The following MARCHF11 variants were observed in gnomAD, a reference collection of about 807,000 sequenced individuals.
MARCHF11 encodes the protein membrane associated ring-CH-type finger 11.
Under a neutral mutation model 37.3 loss-of-function variants are expected in MARCHF11, and 29 were observed. The ratio of observed to expected loss-of-function variants is 0.78; its 90% confidence interval spans 0.58 to 1.06. The LOEUF is 1.06. Ranked by LOEUF, MARCHF11 falls within the 50% of genes least tolerant of loss-of-function variation. The pLI is 0.00. For missense variants in MARCHF11, 482 were observed against 533.4 expected, an observed-to-expected ratio of 0.90 and a Z score of 0.95; for synonymous variants, 233 against 228.0, an observed-to-expected ratio of 1.02 and a Z score of -0.20.
At chr5:16,175,463 C>T (rs1738340623) in intron 2 of MARCHF11, among the ~76,000 whole-genome samples, 1 of 152,072 alleles carries the variant, frequency 6.6e-6, no homozygotes, top group Non-Finnish European at 1.5e-5. Context: ...AGACAGTGGA[C>T]CCTGGGCCAG....
chr5:16,123,446 G>T (rs188451229), intron 2 of MARCHF11, among the ~76,000 whole-genome samples: 155 of 152,226 alleles, frequency 1.0e-3, no homozygotes, highest in African/African-American at 3.3e-3. Flanking sequence ...CTTGACCTCT[G>T]ATTTCTAGCC....
chr5:16,146,957 T>C (rs371853894), intron 2 of MARCHF11, among the ~76,000 whole-genome samples: 2 of 152,172 alleles, frequency 1.3e-5, no homozygotes, highest in East Asian at 3.9e-4. Context: ...GAGACTGAGA[T>C]AGAGACTCAG....
At chr5:16,149,833 A>G (rs1258727000) in intron 2 of MARCHF11, among the ~76,000 whole-genome samples, 1 of 152,064 alleles carries the variant, frequency 6.6e-6, no homozygotes, top group Non-Finnish European at 1.5e-5. Flanking sequence ...ACATCCATAC[A>G]ATGGAATACT....
At chr5:16,146,473 A>C (rs2126594912) in intron 2 of MARCHF11, among the ~76,000 whole-genome samples, 1 of 152,296 alleles carries the variant, frequency 6.6e-6, no homozygotes, top group Middle Eastern at 3.4e-3. Flanking sequence ...AAAAGTGTAG[A>C]GTTCTCTCTG....
intron 2 of MARCHF11, among the ~76,000 whole-genome samples, chr5:16,165,303 G>A (rs1383105886): frequency 6.6e-6 from 1 of 151,964 alleles, no homozygotes; most frequent in Non-Finnish European, 1.5e-5. Context: ...AGTTACAAAG[G>A]TTGTGCAAAC....
At chr5:16,118,125 T>C (rs1004173974) in intron 2 of MARCHF11, among the ~76,000 whole-genome samples, 1 of 152,150 alleles carries the variant, frequency 6.6e-6, no homozygotes, top group Non-Finnish European at 1.5e-5. Context: ...CAAGCACCTG[T>C]GGCAATCCTG....
intron 2 of MARCHF11, among the ~76,000 whole-genome samples, chr5:16,174,347 TG>T (rs1385818569): frequency 6.6e-6 from 1 of 152,250 alleles, no homozygotes; most frequent in African/African-American, 2.4e-5. Flanking sequence ...CTACTGCTAA[TG>T]ATACGGCAAT....
chr5:16,074,745 T>C (rs1344775049), intron 3 of MARCHF11, among the ~76,000 whole-genome samples: 1 of 152,158 alleles, frequency 6.6e-6, no homozygotes, highest in Non-Finnish European at 1.5e-5. Context: ...ATAAAACCCT[T>C]GACACAAAGG....
intron 2 of MARCHF11, among the ~76,000 whole-genome samples, chr5:16,133,998 A>G (rs1737565103): frequency 6.6e-6 from 1 of 152,182 alleles, no homozygotes; most frequent in Non-Finnish European, 1.5e-5. Flanking sequence ...GAAAATTTTC[A>G]GAAGAAATAC....
At chr5:16,090,115 T>C (rs1045132069) in intron 3 of MARCHF11, among the ~76,000 whole-genome samples, 5 of 152,098 alleles carry the variant, frequency 3.3e-5, no homozygotes, top group African/African-American at 1.2e-4. Flanking sequence ...AGCAGGAAAA[T>C]GCTCCCAATG....
At chr5:16,167,341 A>C (rs1296324002) in intron 2 of MARCHF11, among the ~76,000 whole-genome samples, 1 of 152,118 alleles carries the variant, frequency 6.6e-6, no homozygotes, top group Admixed American at 6.6e-5. Context: ...ACAGATCTGA[A>C]AGCCTACCAG....
rs563719072 is a variant in MARCHF11 at position 16,156,094 on chromosome 5, T to C, written c.693+21632A>G. Among the ~76,000 whole-genome samples, 13 of 152,112 alleles carry C rather than the reference T, an allele frequency of 8.5e-5. No individual in the cohort carries two copies. The South Asian group carries it at 2.1e-3, about 24-fold the overall frequency. ...ATGCTATCAAGTTAGTTTTAATCCA[T>C]GAATATCTATAAGTCTGTAAAGAAA... On this transcript the variant is annotated intron_variant, in intron 2 of 3. Coordinates refer to ENST00000332432, the MANE Select transcript of MARCHF11 (RefSeq NM_001102562.3).
chr5:16,144,263 A>C (rs182165018), intron 2 of MARCHF11, among the ~76,000 whole-genome samples: 1 of 152,350 alleles, frequency 6.6e-6, no homozygotes, highest in Non-Finnish European at 1.5e-5. Context: ...AAAACATAAA[A>C]GTCAAGAATA....
intron 2 of MARCHF11, among the ~76,000 whole-genome samples, chr5:16,153,018 T>A (rs1737914260): frequency 6.6e-6 from 1 of 151,986 alleles, no homozygotes; most frequent in African/African-American, 2.4e-5. Flanking sequence ...AGCAAGGCAC[T>A]GCAGAGGATG....
chr5:16,085,548 T>G (rs941595442), intron 3 of MARCHF11, among the ~76,000 whole-genome samples: 1 of 131,594 alleles, frequency 7.6e-6, no homozygotes, highest in Non-Finnish European at 1.5e-5. Context: ...ATAGTTGGCA[T>G]GGTATGAGGA....
At chr5:16,094,459 G>C (rs1216233583) in intron 2 of MARCHF11, among the ~76,000 whole-genome samples, 2 of 152,060 alleles carry the variant, frequency 1.3e-5, no homozygotes, top group African/African-American at 2.4e-5. Context: ...AAACTTTTCA[G>C]TGAAATATTT....
At chr5:16,102,116 C>G (rs530642849) in intron 2 of MARCHF11, among the ~76,000 whole-genome samples, 1 of 152,298 alleles carries the variant, frequency 6.6e-6, no homozygotes, top group African/African-American at 2.4e-5. Flanking sequence ...TGCCTCCATG[C>G]ATTGGTCTCC....
At chr5:16,174,394 A>G (rs752071339) in intron 2 of MARCHF11, among the ~76,000 whole-genome samples, 2 of 152,380 alleles carry the variant, frequency 1.3e-5, no homozygotes, top group East Asian at 1.9e-4. Flanking sequence ...TACATCTGCT[A>G]GCTTTCTATT....
At chr5:16,165,572 C>A (rs1738154609) in intron 2 of MARCHF11, among the ~76,000 whole-genome samples, 2 of 152,118 alleles carry the variant, frequency 1.3e-5, no homozygotes, top group South Asian at 4.1e-4. Flanking sequence ...TTGAGAAGTA[C>A]TCCTCAAGTT....
Sources: gnomAD v4.1 joint callset for allele counts (sites outside exome capture counted in the v4.1 genomes callset) on GRCh38, gnomAD v4.1.1 for gene constraint, MANE v1.5 for transcripts, NCBI Gene and HGNC (gene_info 2026-07-23, HGNC 2026-07-21) for gene names.